ABCA5: variants seen among roughly 807,000 people sequenced by gnomAD.
ABCA5 encodes the protein ATP binding cassette subfamily A member 5, also known as cholesterol transporter ABCA5.
Under a neutral mutation model 206.0 loss-of-function variants are expected in ABCA5, and 163 were observed. The ratio of observed to expected loss-of-function variants is 0.79; its 90% confidence interval spans 0.70 to 0.90. The LOEUF (loss-of-function observed/expected upper bound fraction) is 0.90, where lower values mean the gene tolerates loss of function less well. Ranked by LOEUF, ABCA5 falls within the 40% of genes least tolerant of loss-of-function variation. The pLI is 0.00. For synonymous variants in ABCA5, 609 were observed against 613.8 expected (o/e 0.99, Z 0.11); for missense variants, 1,859 against 1,912.9 (o/e 0.97, Z 0.53).
Position 69,277,846 on chromosome 17 carries a change from T to C in ABCA5, c.2393-4A>G, listed in dbSNP as rs768706207. On this transcript the variant is annotated splice_polypyrimidine_tract_variant and splice_region_variant and intron_variant, in intron 18 of 38. Transcript: ENST00000392676. ...TGCTGAGTAAATACACTATAATCTATTTGCCAAAACAAAACAAACATTTCA... is the reference window on the plus strand; with the variant it reads ...TGCTGAGTAAATACACTATAATCTACTTGCCAAAACAAAACAAACATTTCA... The C allele has an allele frequency of 6.7e-6, 10 of 1,497,896 alleles. No individual in the cohort carries two copies. The East Asian group carries it at 2.2e-4, about 33-fold the overall frequency. 92.8% of individuals were successfully genotyped at this position (1,497,896 alleles called of 1,614,324 possible).
chr17:69,281,055 TAAATA>T (rs2075387253), intron 18 of ABCA5, among the ~76,000 whole-genome samples: 1 of 140,214 alleles, frequency 7.1e-6, no homozygotes, highest in Non-Finnish European at 1.7e-5. Flanking sequence ...TAAAAATAAA[TAAATA>T]AAAAAATAAA....
At chr17:69,290,068 T>TTATAAAA in intron 12 of ABCA5, 31 bp from the exon 13 acceptor site, 1 of 1,377,014 alleles carries the variant, frequency 7.3e-7, no homozygotes, top group Non-Finnish European at 9.8e-7. Flanking sequence ...TAAATGTACA[T>TTATAAAA]TAATTATTTT....
rs374319360 is a variant in ABCA5 at position 69,279,016 on chromosome 17, G to C, written c.2393-1174C>G. Among the ~76,000 whole-genome samples the C allele has an allele frequency of 3.1e-4, 47 of 151,214 alleles. No individual in the cohort carries two copies. The East Asian group carries it at 5.5e-3, about 18-fold the overall frequency. ...TCTCTCACCACTCCTATTCAACATA[G>C]TGTTGGAAGTTCTGGCCAGGGCAAT... On this transcript the variant is annotated intron_variant, in intron 18 of 38. Coordinates refer to ENST00000392676, the MANE Select transcript of ABCA5 (RefSeq NM_172232.4).
chr17:69,250,015 T>C (rs757810355), intron 36 of ABCA5, 31 bp from the exon 37 acceptor site: 1 of 1,363,538 alleles, frequency 7.3e-7, no homozygotes, highest in Non-Finnish European at 9.8e-7. Context: ...TGGAAAAAAA[T>C]TAAAAATTAC....
At chr17:69,280,366 T>C (rs2075378772) in intron 18 of ABCA5, among the ~76,000 whole-genome samples, 1 of 151,908 alleles carries the variant, frequency 6.6e-6, no homozygotes, top group Non-Finnish European at 1.5e-5. Flanking sequence ...ATGGCAATCA[T>C]TAAAAAGTCA....
At chr17:69,282,622 A>G (rs2144964548) in intron 18 of ABCA5, among the ~76,000 whole-genome samples, 1 of 150,430 alleles carries the variant, frequency 6.6e-6, no homozygotes, top group East Asian at 1.9e-4. Flanking sequence ...TACAACAACT[A>G]GCTGGGCGTG....
At chr17:69,261,312 C>T (rs766378069) in intron 25 of ABCA5, 53 bp from the exon 26 acceptor site, 40 of 1,515,608 alleles carry the variant, frequency 2.6e-5, no homozygotes, top group Non-Finnish European at 3.5e-5. Flanking sequence ...AAACTTCTTA[C>T]AAATTGGTGT....
At chr17:69,293,925 A>G (rs1322895792) in intron 11 of ABCA5, among the ~76,000 whole-genome samples, 1 of 148,090 alleles carries the variant, frequency 6.8e-6, no homozygotes, top group Non-Finnish European at 1.5e-5. Context: ...GGGACTGACT[A>G]ACACATTGAC....
intron 2 of ABCA5, among the ~76,000 whole-genome samples, chr17:69,313,624 T>A (rs2075790431): frequency 6.6e-6 from 1 of 152,170 alleles, no homozygotes; most frequent in Non-Finnish European, 1.5e-5. Context: ...CATATAATTT[T>A]ATCTAAAGCA....
At chr17:69,319,955 T>G (rs1332481511) in intron 1 of ABCA5, among the ~76,000 whole-genome samples, 1 of 152,190 alleles carries the variant, frequency 6.6e-6, no homozygotes, top group East Asian at 1.9e-4. Flanking sequence ...ACATACTAAC[T>G]TCAAGACCTT....
At chr17:69,308,166 G>T in intron 5 of ABCA5, 114 bp downstream of exon 5, 1 of 475,984 alleles carries the variant, frequency 2.1e-6, no homozygotes, top group Non-Finnish European at 3.6e-6. Context: ...AGTTGTAGTA[G>T]GTTACATATT....
chr17:69,309,621 T>C (rs1017591069), intron 3 of ABCA5, among the ~76,000 whole-genome samples, 198 bp from the exon 4 acceptor site: 3 of 152,124 alleles, frequency 2.0e-5, no homozygotes, highest in Non-Finnish European at 2.9e-5. Flanking sequence ...GATGGGAGGA[T>C]TGCTTGAGCT....
intron 33 of ABCA5, 58 bp from the exon 34 acceptor site, chr17:69,253,725 A>C (rs1041819843): frequency 1.3e-5 from 20 of 1,577,746 alleles, no homozygotes; most frequent in Admixed American, 1.7e-5. Flanking sequence ...TAAGGAATCT[A>C]TCAAGACAAT....
Position 69,270,599 on chromosome 17 carries a change from A to G in ABCA5, c.3030+14T>C, listed in dbSNP as rs1234459666. 1 of 1,578,266 alleles carries G rather than the reference A, an allele frequency of 6.3e-7. No homozygotes were observed. The highest frequency in any genetic ancestry group is 1.2e-5 in the South Asian group (1 of 83,666). On this transcript the variant is annotated intron_variant, in intron 22 of 38. Transcript: ENST00000392676. ...CATGCATATGGAAATTTATCTGTAT[A>G]TACATTGGCTTACTTGAAAGAATGG... is the stretch of plus-strand genomic sequence containing the variant.
rs982734757 is a variant in ABCA5, at chr17:69,287,643, G to A, written c.2011C>T (p.His671Tyr). The A allele has an allele frequency of 1.9e-6, 3 of 1,612,390 alleles. No homozygotes were observed. The African/African-American group carries it at 4.0e-5, about 22-fold the overall frequency. Residue 671 changes from histidine to tyrosine, a missense_variant, in exon 15 of 39, where the codon CAT (histidine) becomes TAT (tyrosine). Transcript: ENST00000392676. ...AGAATGTCAGCTTCATCCATGAAAT[G>A]AGTACTGAACACTGTCACCCGATTG... ...KANRVTVFST[H>Y]FMDEADILAD... is the part of the protein sequence containing the mutation.
chr17:69,287,675 C>A lies in ABCA5; in HGVS notation c.1979G>T (p.Arg660Ile). 6.2e-7 allele frequency: 1 copy of A among 1,613,946 alleles called. No homozygotes were observed. Among genetic ancestry groups the A allele is most frequent in the Non-Finnish European group, 8.5e-7 (1 of 1,179,912 alleles). ...RHIVWNLLKY[R>I]KANRVTVFST... ...GAACACTGTCACCCGATTGGCTTTTCTGTATTTTAAAAGATTCCATACAAT... is the reference window on the plus strand; with the variant it reads ...GAACACTGTCACCCGATTGGCTTTTATGTATTTTAAAAGATTCCATACAAT... The change falls in exon 15 of 39, where the codon AGA becomes ATA. Residue 660 changes from arginine (R) to isoleucine (I), a missense_variant. Physicochemically the swap from Arg to Ile is moderately conservative, Grantham distance 97 (BLOSUM62 -3). Transcript: ENST00000392676.
intron 17 of ABCA5, 143 bp downstream of exon 17, chr17:69,285,755 T>C: frequency 1.1e-6 from 1 of 894,880 alleles, no homozygotes; most frequent in Non-Finnish European, 1.5e-6. Context: ...AAAAACAAAA[T>C]AAAGCAGAAA....
rs1308286772 is a variant in ABCA5 at position 69,306,648 on chromosome 17, C to T, written c.788+77G>A. On this transcript the variant is annotated intron_variant, in intron 6 of 38. Coordinates refer to ENST00000392676, the MANE Select transcript of ABCA5 (RefSeq NM_172232.4). ...GCACATCATCAAGTTAGGTAAATAT[C>T]AAAATTACAATTTTGAAAATCTGTA... The T allele has an allele frequency of 2.3e-5, 17 of 725,488 alleles. No homozygotes were observed. In the Admixed American group the frequency reaches 7.0e-4, roughly 30 times the overall value. The allele number at this position is 725,488 out of a possible 1,614,324, so 44.9% of individuals were successfully genotyped here. A position where few individuals can be genotyped will look rare whatever the true frequency, so the allele number is the denominator to read the frequency against.
intron 20 of ABCA5, among the ~76,000 whole-genome samples, chr17:69,273,522 C>T (rs918693329): frequency 1.3e-5 from 2 of 149,546 alleles, no homozygotes; most frequent in Non-Finnish European, 3.0e-5. Flanking sequence ...GTGGTGCAAT[C>T]TCGGCTCACT....
Sources: gnomAD v4.1 joint callset for allele counts (sites outside exome capture counted in the v4.1 genomes callset) on GRCh38, gnomAD v4.1.1 for gene constraint, MANE v1.5 for transcripts, NCBI Gene and HGNC (gene_info 2026-07-23, HGNC 2026-07-21) for gene names.